The following MBOAT2 variants were observed in gnomAD, a reference collection of about 807,000 sequenced individuals.
MBOAT2 encodes the protein membrane bound glycerophospholipid O-acyltransferase 2.
A neutral mutation model predicts 63.4 loss-of-function variants in MBOAT2; 28 were observed. That is an observed-to-expected ratio of 0.44 (90% CI 0.33 to 0.61). The LOEUF is 0.61. Among genes scored for constraint, MBOAT2 ranks in the 20% least tolerant of loss-of-function variants. The pLI is 0.03. For synonymous variants in MBOAT2, 211 were observed against 215.6 expected, an observed-to-expected ratio of 0.98 and a Z score of 0.19; for missense variants, 470 against 605.8, an observed-to-expected ratio of 0.78 and a Z score of 2.35.
chr2:8,953,417 G>A (rs900946764), intron 2 of MBOAT2, among the ~76,000 whole-genome samples: 1 of 152,028 alleles, frequency 6.6e-6, no homozygotes, highest in Non-Finnish European at 1.5e-5. Context: ...TATATGCCTT[G>A]CTGATAATCA....
At chr2:8,980,841 C>T (rs887873574) in intron 1 of MBOAT2, among the ~76,000 whole-genome samples, 1 of 152,058 alleles carries the variant, frequency 6.6e-6, no homozygotes, top group Non-Finnish European at 1.5e-5. Flanking sequence ...TCCAGCAATT[C>T]CACTCCTAGG....
chr2:8,864,710 C>T (rs1382507821), intron 9 of MBOAT2, among the ~76,000 whole-genome samples: 1 of 152,116 alleles, frequency 6.6e-6, no homozygotes, highest in Non-Finnish European at 1.5e-5. Flanking sequence ...GGCTGTGCTG[C>T]CCCTGAAAGA....
intron 4 of MBOAT2, among the ~76,000 whole-genome samples, chr2:8,891,490 G>T (rs1663996588): frequency 6.6e-6 from 1 of 152,218 alleles, no homozygotes; most frequent in Non-Finnish European, 1.5e-5. Context: ...CAGTGCAATG[G>T]TGCACAGGGA....
At chr2:8,968,686 G>A (rs573278116) in intron 1 of MBOAT2, among the ~76,000 whole-genome samples, 1 of 152,300 alleles carries the variant, frequency 6.6e-6, no homozygotes, top group South Asian at 2.1e-4. Flanking sequence ...GTCCTTAAAT[G>A]ACCTGATGTA....
rs376865791 is a variant in MBOAT2 at position 8,862,102 on chromosome 2, T to C, written c.1185+488A>G. On this transcript the variant is annotated intron_variant, in intron 11 of 12. Transcript: ENST00000305997. The surrounding 1 kb of genome is among the most constrained non-coding windows in gnomAD (Gnocchi z 4.3). ...TCATGTCACCAACCTAATTTCTCAATTGTTTCCCCAAAATATTACTCTATG... is the reference window on the plus strand; with the variant it reads ...TCATGTCACCAACCTAATTTCTCAACTGTTTCCCCAAAATATTACTCTATG... Among the ~76,000 whole-genome samples the C allele has an allele frequency of 1.1e-3, 167 of 152,326 alleles. No individual in the cohort carries two copies. The highest frequency in any genetic ancestry group is 6.2e-3 in the South Asian group (30 of 4,824).
chr2:8,911,673 G>A (rs1665718441), intron 3 of MBOAT2, among the ~76,000 whole-genome samples: 1 of 152,052 alleles, frequency 6.6e-6, no homozygotes, highest in South Asian at 2.1e-4. Context: ...AAAACAGCCT[G>A]GCACCTCACC....
intron 4 of MBOAT2, among the ~76,000 whole-genome samples, chr2:8,888,712 C>T (rs192248394): frequency 1.3e-5 from 2 of 152,028 alleles, no homozygotes; most frequent in African/African-American, 2.4e-5. Context: ...TTAAAGATGA[C>T]ATTAGCTTAC....
chr2:8,876,324 A>T (rs900121532), intron 7 of MBOAT2, among the ~76,000 whole-genome samples: 2 of 152,220 alleles, frequency 1.3e-5, no homozygotes, highest in African/African-American at 4.8e-5. Flanking sequence ...TCTTGGTCAA[A>T]TCACTTAGCC....
chr2:9,003,432 G>T lies in MBOAT2; in HGVS notation c.75+108C>A. 1 of 608,290 alleles carries T rather than the reference G, an allele frequency of 1.6e-6. No individual in the cohort carries two copies. Among genetic ancestry groups the T allele is most frequent in the Non-Finnish European group, 2.2e-6 (1 of 449,780 alleles). 37.7% of individuals were successfully genotyped at this position (608,290 alleles called of 1,614,324 possible). ...GGAGCGGCGGGTAGGGGGGCACCGG[G>T]CGCCCGGCCCCAGCCCCCACCCTCC... On this transcript the variant is annotated intron_variant, in intron 1 of 12. Transcript: ENST00000305997. This position sits in a 1 kb window ranked among gnomAD's most constrained non-coding sequence, Gnocchi z 5.4.
chr2:8,943,338 A>AG, intron 2 of MBOAT2, 74 bp from the exon 3 acceptor site: 1 of 890,454 alleles, frequency 1.1e-6, no homozygotes, highest in Non-Finnish European at 1.7e-6. Flanking sequence ...ATTAAGCTAA[A>AG]AAATACTTAT....
chr2:8,964,615 A>G (rs907881384), intron 1 of MBOAT2, among the ~76,000 whole-genome samples: 2 of 151,928 alleles, frequency 1.3e-5, no homozygotes, highest in African/African-American at 4.8e-5. Flanking sequence ...CTTGTGTATT[A>G]TATTTCATTG....
At chr2:8,859,654 T>C (rs950893047) in intron 12 of MBOAT2, among the ~76,000 whole-genome samples, 1 of 152,192 alleles carries the variant, frequency 6.6e-6, no homozygotes, top group South Asian at 2.1e-4. Context: ...TTTTTACGAC[T>C]CTGTGCTAAG....
chr2:8,883,575 C>T (rs145966725), intron 5 of MBOAT2, among the ~76,000 whole-genome samples: 7 of 152,022 alleles, frequency 4.6e-5, no homozygotes, highest in South Asian at 4.1e-4. Context: ...AAAGAGCAGA[C>T]GAAAAACAAA....
chr2:8,932,427 ACAATACAATG>A (rs1667385738), intron 3 of MBOAT2, among the ~76,000 whole-genome samples: 1 of 152,234 alleles, frequency 6.6e-6, no homozygotes, highest in South Asian at 2.1e-4. Context: ...GAAGCCAGTC[ACAATACAATG>A]CAATACAATG....
intron 1 of MBOAT2, among the ~76,000 whole-genome samples, chr2:8,988,829 A>G (rs770995364): frequency 6.6e-6 from 1 of 152,228 alleles, no homozygotes; most frequent in Non-Finnish European, 1.5e-5. Flanking sequence ...CAAGGAGAAA[A>G]AAAATCCTAA....
At chr2:8,937,974 C>T (rs746577318) in intron 3 of MBOAT2, among the ~76,000 whole-genome samples, 2 of 152,256 alleles carry the variant, frequency 1.3e-5, no homozygotes, top group East Asian at 1.9e-4. Context: ...ACTGCCACCA[C>T]GGTGCTGAAT....
At position 8,868,476 on chromosome 2, in the gene MBOAT2, T is replaced by C; in HGVS notation, c.957A>G (p.Leu319=). 6.2e-7 allele frequency: 1 copy of C among 1,614,012 alleles called. No homozygotes were observed. Among genetic ancestry groups the C allele is most frequent in the Non-Finnish European group, 8.5e-7 (1 of 1,179,968 alleles). The change falls in exon 9 of 13, where the codon TTA becomes TTG. Residue 319 remains leucine, a synonymous_variant. Coordinates refer to ENST00000305997, the MANE Select transcript of MBOAT2 (RefSeq NM_138799.4). ...YDENGAARWD[L]ISNLRIQQIE... ...TTTGTTGAATTCTCAAATTGGAAAT[T>C]AAGTCCCAGCGAGCTGCTCCATTTT...
intron 5 of MBOAT2, among the ~76,000 whole-genome samples, chr2:8,887,395 C>T (rs141663470): frequency 2.1e-3 from 327 of 152,224 alleles, no homozygotes; most frequent in Non-Finnish European, 3.5e-3. Context: ...AGAGGGAAAA[C>T]CTGCCCGGGG....
chr2:8,925,606 CAG>C (rs776334635), intron 3 of MBOAT2, among the ~76,000 whole-genome samples: 9 of 152,178 alleles, frequency 5.9e-5, no homozygotes, highest in Non-Finnish European at 8.8e-5. Flanking sequence ...AGCATGTGAG[CAG>C]AGTCTGTTAT....
Sources: gnomAD v4.1 joint callset for allele counts (sites outside exome capture counted in the v4.1 genomes callset) on GRCh38, gnomAD v4.1.1 for gene constraint, Gnocchi (gnomAD v3.1) non-coding constraint, MANE v1.5 for transcripts, NCBI Gene and HGNC (gene_info 2026-07-23, HGNC 2026-07-21) for gene names.